ZDHHC5: variants seen among roughly 807,000 people sequenced by gnomAD.
The protein encoded by ZDHHC5 is zDHHC palmitoyltransferase 5, also known as palmitoyltransferase ZDHHC5.
In ZDHHC5, 22 loss-of-function variants were observed where a neutral mutation model predicts 70.0. The observed-to-expected ratio is 0.31, with a 90% CI of 0.22 to 0.45. ZDHHC5 has a LOEUF of 0.45. ZDHHC5 is among the 20% of genes least tolerant of loss of function. The probability of loss-of-function intolerance (pLI) is 1.00; values close to 1 mark genes in which losing one functional copy is unlikely to be tolerated. For synonymous variants in ZDHHC5, 313 were observed against 347.8 expected, an observed-to-expected ratio of 0.90 and a Z score of 1.11; for missense variants, 746 against 926.9, an observed-to-expected ratio of 0.80 and a Z score of 2.53.
chr11:57,670,750 C>T (rs1945995403), intron 1 of ZDHHC5, among the ~76,000 whole-genome samples: 1 of 151,700 alleles, frequency 6.6e-6, no homozygotes, highest in African/African-American at 2.4e-5. Flanking sequence ...CCTTTGCCTT[C>T]CATGCCATAG....
At position 57,682,576 on chromosome 11, in the gene ZDHHC5, C is replaced by T. The variant is rs758378854; in HGVS notation, c.226+33C>T. 2.5e-6 allele frequency: 4 copies of T among 1,606,136 alleles called. No individual in the cohort carries two copies. In the East Asian group the frequency reaches 9.0e-5, roughly 36 times the overall value. On this transcript the variant is annotated intron_variant, in intron 3 of 11. Transcript: ENST00000287169. ...CTGCTTCTCTCTTAGAAGCACCTTA[C>T]ACTGCCTTTGAAAAATAATGAGTTG...
intron 2 of ZDHHC5, among the ~76,000 whole-genome samples, chr11:57,674,768 C>T (rs1365944000): frequency 6.6e-6 from 1 of 152,172 alleles, no homozygotes; most frequent in Non-Finnish European, 1.5e-5. Context: ...ATGTATTTCT[C>T]TAGTTTTTAA....
chr11:57,676,335 ATTC>A (rs1946070494), intron 2 of ZDHHC5, among the ~76,000 whole-genome samples: 1 of 152,106 alleles, frequency 6.6e-6, no homozygotes, highest in Admixed American at 6.5e-5. Flanking sequence ...TCCTGTCTTA[ATTC>A]TTCTCTGTTT....
intron 8 of ZDHHC5, among the ~76,000 whole-genome samples, chr11:57,694,879 G>A (rs562671660): frequency 1.3e-5 from 2 of 152,184 alleles, no homozygotes; most frequent in African/African-American, 2.4e-5. Context: ...GCGAGGCTGA[G>A]GTGGGAAGAT....
At chr11:57,674,402 C>A (rs541901553) in intron 2 of ZDHHC5, among the ~76,000 whole-genome samples, 19 of 150,542 alleles carry the variant, frequency 1.3e-4, no homozygotes, top group Non-Finnish European at 2.5e-4. Context: ...TACCAGGCTT[C>A]TGAGCCTTAT....
intron 2 of ZDHHC5, among the ~76,000 whole-genome samples, chr11:57,678,914 T>G (rs902082776): frequency 5.3e-5 from 8 of 152,210 alleles, no homozygotes; most frequent in African/African-American, 1.7e-4. Context: ...TTCTCATGTT[T>G]GTACTATGTA....
intron 4 of ZDHHC5, 38 bp from the exon 5 acceptor site, chr11:57,689,993 T>C: frequency 6.2e-7 from 1 of 1,608,268 alleles, no homozygotes; most frequent in Non-Finnish European, 8.5e-7. Flanking sequence ...AATGCTATGG[T>C]CCAGGGATGC....
chr11:57,682,593 A>T (rs779775780), intron 3 of ZDHHC5, 50 bp downstream of exon 3: 2 of 1,595,592 alleles, frequency 1.3e-6, no homozygotes, highest in African/African-American at 1.3e-5. Context: ...TTTGAAAAAT[A>T]ATGAGTTGGC....
rs369096832 is a variant in ZDHHC5 at position 57,693,773 on chromosome 11, C to G, written c.753-10C>G. 1.9e-6 allele frequency: 3 copies of G among 1,547,178 alleles called. No homozygotes were observed. The highest frequency in any genetic ancestry group is 2.6e-6 in the Non-Finnish European group (3 of 1,146,374). Reference sequence around the variant, plus strand: ...GCTGTGTCTCTCTCTCTCTCTCTCTCGACACTTAGGTATTTGGGGAGACCA... The same window carrying G: ...GCTGTGTCTCTCTCTCTCTCTCTCTGGACACTTAGGTATTTGGGGAGACCA... On this transcript the variant is annotated splice_polypyrimidine_tract_variant and intron_variant, in intron 7 of 11. Transcript: ENST00000287169.
Position 57,695,904 on chromosome 11 carries a change from C to T in ZDHHC5, c.886-16C>T, listed in dbSNP as rs369629295. On this transcript the variant is annotated splice_polypyrimidine_tract_variant and intron_variant, in intron 8 of 11. Transcript: ENST00000287169. ...TCAATTTCTAAATCTGATTTTCCCT[C>T]CCTTCATCAATCCAGTCTAAGGGAA... 1.1e-5 allele frequency: 18 copies of T among 1,608,196 alleles called. No individual in the cohort carries two copies. The Admixed American group carries it at 1.9e-4, about 17-fold the overall frequency.
chr11:57,668,408 G>A (rs1945952902), intron 1 of ZDHHC5: 1 of 157,602 alleles, frequency 6.3e-6, no homozygotes, highest in African/African-American at 2.4e-5. Flanking sequence ...CTCGGAACGG[G>A]TTAGAGACGG....
intron 3 of ZDHHC5, among the ~76,000 whole-genome samples, chr11:57,687,404 C>G (rs1946221076): frequency 6.6e-6 from 1 of 151,954 alleles, no homozygotes; most frequent in Non-Finnish European, 1.5e-5. Context: ...AACCCCGTCT[C>G]TATTAAAAAT....
rs113494839 is a variant in ZDHHC5 at position 57,698,118 on chromosome 11, A to AACACACACACACACACAC, written c.1123-427_1123-410dup. ...CCATCACGCTCCAGCCTGGGCTTAAAACACACACACACACACACACACACA... is the reference window on the plus strand; with the variant it reads ...CCATCACGCTCCAGCCTGGGCTTAAAACACACACACACACACACACACACACACACACACACACACACA... On this transcript the variant is annotated intron_variant, in intron 10 of 11. Coordinates refer to ENST00000287169, the MANE Select transcript of ZDHHC5 (RefSeq NM_015457.3). Among the ~76,000 whole-genome samples, 927 of 110,344 alleles carry AACACACACACACACACAC rather than the reference A, an allele frequency of 8.4e-3. 10 individuals carry two copies. Among genetic ancestry groups the AACACACACACACACACAC allele is most frequent in the African/African-American group, 0.024 (876 of 36,020 alleles). The allele number at this position is 110,344 out of a possible 152,430, so 72.4% of individuals were successfully genotyped here. A position where few individuals can be genotyped will look rare whatever the true frequency, so the allele number is the denominator to read the frequency against.
intron 2 of ZDHHC5, among the ~76,000 whole-genome samples, chr11:57,676,011 CA>C (rs1347196444): frequency 5.9e-5 from 9 of 152,314 alleles, no homozygotes; most frequent in African/African-American, 1.9e-4. Flanking sequence ...CAACTAGCTA[CA>C]TTATTAGAAG....
At chr11:57,682,914 TG>T (rs1946166425) in intron 3 of ZDHHC5, among the ~76,000 whole-genome samples, 1 of 152,192 alleles carries the variant, frequency 6.6e-6, no homozygotes, top group Non-Finnish European at 1.5e-5. Context: ...GTTATGACAG[TG>T]TGATGCAGAC....
chr11:57,680,658 A>G (rs1343580761), intron 2 of ZDHHC5, among the ~76,000 whole-genome samples: 1 of 152,150 alleles, frequency 6.6e-6, no homozygotes, highest in African/African-American at 2.4e-5. Flanking sequence ...CCCCAGGCGG[A>G]AATTGAAGTG....
At position 57,699,490 on chromosome 11, in the gene ZDHHC5, C is replaced by T. The variant is rs1236684639; in HGVS notation, c.1982+72C>T. The T allele has an allele frequency of 3.3e-6, 5 of 1,506,762 alleles. No individual in the cohort carries two copies. The Admixed American group carries it at 9.1e-5, about 27-fold the overall frequency. The allele number at this position is 1,506,762 out of a possible 1,614,324, so 93.3% of individuals were successfully genotyped here. ...TACTGCTCTGCAAAAGCTATCAGGG[C>T]TTCTGTTGTACATCCTAATGTAGGT... On this transcript the variant is annotated intron_variant, in intron 11 of 11. Transcript: ENST00000287169.
At position 57,696,868 on chromosome 11, in the gene ZDHHC5, G is replaced by T. The variant is rs774615080; in HGVS notation, c.1117G>T (p.Ala373Ser). 6.2e-7 allele frequency: 1 copy of T among 1,613,320 alleles called. No homozygotes were observed. Among genetic ancestry groups the T allele is most frequent in the African/African-American group, 1.3e-5 (1 of 74,908 alleles). Residue 373 changes from alanine to serine, a missense_variant, in exon 10 of 12, where the codon GCC becomes TCC. Coordinates refer to ENST00000287169, the MANE Select transcript of ZDHHC5 (RefSeq NM_015457.3). ...TSAAMPHSSS[A>S]KLSRGDSLKE... ...AGCTGCCATGCCGCATTCCTCCAGC[G>T]CCAAGGTACTGAGTACTCTAAGAGG...
In ZDHHC5 at chr11:57,700,620, G is replaced by C. The variant is rs1442498982; in HGVS notation, c.*589G>C. On this transcript the variant is annotated 3_prime_UTR_variant, in exon 12 of 12. Transcript: ENST00000287169. ...AACTACGGAAATAGCATCCTCTGCT[G>C]GTGCTAAGTGTGATTAGGAAGAAGC... 6.6e-6 allele frequency: 1 copy of C among 152,484 alleles called. No homozygotes were observed. Among genetic ancestry groups the C allele is most frequent in the Non-Finnish European group, 1.5e-5 (1 of 68,022 alleles). 9.4% of individuals were successfully genotyped at this position (152,484 alleles called of 1,614,324 possible).
Sources: allele counts gnomAD v4.1 joint callset (sites outside exome capture counted in the v4.1 genomes callset), GRCh38; gene constraint gnomAD v4.1.1; transcripts MANE v1.5; gene names NCBI Gene and HGNC (gene_info 2026-07-23, HGNC 2026-07-21).